Variants in JMJD4 observed in about 807,000 individuals in gnomAD.
JMJD4 encodes the protein 2-oxoglutarate and iron-dependent oxygenase JMJD4.
JMJD4 carries 34 observed loss-of-function variants against 36.3 expected under a neutral mutation model. The ratio of observed to expected loss-of-function variants is 0.94; its 90% CI spans 0.71 to 1.25. The LOEUF (loss-of-function observed/expected upper bound fraction) is 1.25, where lower values mean the gene tolerates loss of function less well. Ranked by LOEUF, JMJD4 falls within the 50% of genes most tolerant of loss-of-function variation. The pLI is 0.00. For synonymous variants in JMJD4, 269 were observed against 235.3 expected, an observed-to-expected ratio of 1.14 and a Z score of -1.31; for missense variants, 584 against 559.1, an observed-to-expected ratio of 1.04 and a Z score of -0.45.
rs3087908 is a variant in JMJD4, at chr1:227,732,402, G to A, written c.1244C>T (p.Ala415Val). 0.18 allele frequency: 284,969 copies of A among 1,612,136 alleles called. 25,854 individuals are homozygous for A. The highest frequency in any genetic ancestry group is 0.24 in the East Asian group (10,939 of 44,844). ...QQLREAVDAAAAP is the reference protein window; with the variant it reads ...QQLREAVDAAVAP Reference sequence around the variant, plus strand: ...TCCTCACGACAGGTGCTATGGGGCCGCAGCAGCATCAACAGCCTCTCTCAG... The same window carrying A: ...TCCTCACGACAGGTGCTATGGGGCCACAGCAGCATCAACAGCCTCTCTCAG... The change falls in exon 6 of 6, where the codon GCG (alanine) becomes GTG (valine). Residue 415 changes from alanine to valine, a missense_variant. Transcript: ENST00000620518.
chr1:227,733,110 C>T (rs933355731), intron 4 of JMJD4, 83 bp from the exon 5 acceptor site: 3 of 1,471,918 alleles, frequency 2.0e-6, no homozygotes, highest in Non-Finnish European at 2.8e-6. Flanking sequence ...CAGGAACCCA[C>T]TGTGGGGTCC....
chr1:227,734,587 A>C, intron 2 of JMJD4, 64 bp downstream of exon 2: 4 of 1,531,582 alleles, frequency 2.6e-6, no homozygotes, highest in Non-Finnish European at 3.6e-6. Flanking sequence ...CTTCATCAGA[A>C]AGGCCTCTGG....
Position 227,733,627 on chromosome 1 carries a change from A to G in JMJD4, c.609T>C (p.Cys203=). Residue 203 remains cysteine, a synonymous_variant, in exon 4 of 6, where the codon TGT becomes TGC. Coordinates refer to ENST00000620518, the MANE Select transcript of JMJD4 (RefSeq NM_023007.3). ...FRSFSWSVNV[C]GRKKWLLFPP... ...GGAAGAGGAGCCACTTCTTCCTCCC[A>G]CAGACATTGACAGACCAGCTGAAGG... 6.9e-6 allele frequency: 11 copies of G among 1,603,066 alleles called. No homozygotes were observed. The highest frequency in any genetic ancestry group is 9.3e-6 in the Non-Finnish European group (11 of 1,178,894).
intron 1 of JMJD4, 38 bp from the exon 2 acceptor site, chr1:227,734,854 C>T: frequency 6.2e-7 from 1 of 1,610,978 alleles, no homozygotes; most frequent in Non-Finnish European, 8.5e-7. Context: ...TCTCCCTGGG[C>T]CCCGTCCTCA....
At chr1:227,734,948 G>T (rs1168697665) in intron 1 of JMJD4, 64 bp downstream of exon 1, 12 of 1,493,028 alleles carry the variant, frequency 8.0e-6, no homozygotes, top group Admixed American at 2.3e-5. Flanking sequence ...CTAGGCGGGG[G>T]CCTCCCGGGC....
chr1:227,732,967 GCC>G lies in JMJD4; in HGVS notation c.881_882del (p.Trp294SerfsTer41), dbSNP rs766416961. The G allele has an allele frequency of 1.9e-6, 3 of 1,613,236 alleles. No individual in the cohort carries two copies. The highest frequency in any genetic ancestry group is 2.5e-6 in the Non-Finnish European group (3 of 1,180,028). ...WVNGFNLANM[W>X]RFLQQELCAV... Reference sequence around the variant, plus strand: ...GCGCATAGCTCCTGCTGCAAGAAGCGCCACATGTTGGCCAGGTTGAAGCCATT... The same window carrying G: ...GCGCATAGCTCCTGCTGCAAGAAGCGACATGTTGGCCAGGTTGAAGCCATT... On this transcript the variant is annotated frameshift_variant, in exon 5 of 6. Transcript: ENST00000620518. LOFTEE classifies it high-confidence loss of function.
chr1:227,732,058 GC>G lies in JMJD4; in HGVS notation c.*333del. ...GGACAGGGCTGGCCTATTAAGAGGA[GC>G]CACCAGAGAAGGCACACCAGACACA... is the stretch of plus-strand genomic sequence containing the variant. On this transcript the variant is annotated 3_prime_UTR_variant, in exon 6 of 6. Transcript: ENST00000620518. 1 of 412,000 alleles carries G rather than the reference GC, an allele frequency of 2.4e-6. No individual in the cohort carries two copies. Among genetic ancestry groups the G allele is most frequent in the South Asian group, 2.6e-5 (1 of 37,808 alleles). The allele number at this position is 412,000 out of a possible 1,614,324, so 25.5% of individuals were successfully genotyped here.
At position 227,732,973 on chromosome 1, in the gene JMJD4, T is replaced by C. The variant is rs1185896020; in HGVS notation, c.877A>G (p.Met293Val). Reference protein sequence around the residue: ...NWVNGFNLANMWRFLQQELCA... With the variant: ...NWVNGFNLANVWRFLQQELCA... ...AGCTCCTGCTGCAAGAAGCGCCACA[T>C]GTTGGCCAGGTTGAAGCCATTGACC... Residue 293 changes from methionine to valine, a missense_variant, in exon 5 of 6, where the codon ATG becomes GTG. Physicochemically the swap from Met to Val is conservative, Grantham distance 21 (BLOSUM62 1). Transcript: ENST00000620518. The C allele has an allele frequency of 6.2e-7, 1 of 1,612,794 alleles. No homozygotes were observed. Among genetic ancestry groups the C allele is most frequent in the Non-Finnish European group, 8.5e-7 (1 of 1,179,430 alleles).
chr1:227,734,461 A>C (rs546563473), intron 2 of JMJD4, 190 bp downstream of exon 2: 2 of 525,596 alleles, frequency 3.8e-6, no homozygotes, highest in Non-Finnish European at 6.6e-6. Flanking sequence ...AAAAAAAACC[A>C]TATTGACCTC....
Position 227,732,556 on chromosome 1 carries a change from C to A in JMJD4, c.1090G>T (p.Gly364Cys). 1.2e-6 allele frequency: 2 copies of A among 1,613,502 alleles called. No individual in the cohort carries two copies. Among genetic ancestry groups the A allele is most frequent in the Non-Finnish European group, 1.7e-6 (2 of 1,180,042 alleles). Residue 364 changes from glycine to cysteine, a missense_variant, in exon 6 of 6, where the codon GGT (glycine) becomes TGT (cysteine). Transcript: ENST00000620518. ...ACATCAAAGGCTGCCTGTTCGAAAC[C>A]CAACCCAGCACCGTCCTCAGCGGCT... ...EAAAEDGAGL[G>C]FEQAAFDVGR...
chr1:227,733,150 T>C, intron 4 of JMJD4, 123 bp from the exon 5 acceptor site: 5 of 1,123,426 alleles, frequency 4.5e-6, no homozygotes, highest in Non-Finnish European at 6.3e-6. Context: ...GGCCCTCCTG[T>C]CTCCCAGCAG....
Position 227,734,687 on chromosome 1 carries a change from C to G in JMJD4, c.392G>C (p.Arg131Thr), listed in dbSNP as rs1329114933. Residue 131 changes from arginine to threonine, a missense_variant, in exon 2 of 6, where the codon AGG (arginine) becomes ACG (threonine). Physicochemically the swap from Arg to Thr is moderately conservative, Grantham distance 71 (BLOSUM62 -1). Coordinates refer to ENST00000620518, the MANE Select transcript of JMJD4 (RefSeq NM_023007.3). ...CCAGTCTTTGAGGTAGAGACAGCCC[C>G]TGGGAGAGGAGTAGCCCGCCTGTAT... ...EYIQAGYSSPRGCLYLKDWHL... is the reference protein window; with the variant it reads ...EYIQAGYSSPTGCLYLKDWHL... 6.2e-7 allele frequency: 1 copy of G among 1,614,054 alleles called. No homozygotes were observed. The highest frequency in any genetic ancestry group is 1.3e-5 in the African/African-American group (1 of 74,938).
At chr1:227,733,864 C>A (rs752452250) in intron 3 of JMJD4, 43 bp downstream of exon 3, 1 of 1,610,368 alleles carries the variant, frequency 6.2e-7, no homozygotes, top group Non-Finnish European at 8.5e-7. Flanking sequence ...TCCGTTCTGT[C>A]ACCAGGCCCC....
chr1:227,734,605 C>G (rs911613564), intron 2 of JMJD4, 46 bp downstream of exon 2: 1 of 1,599,568 alleles, frequency 6.3e-7, no homozygotes, highest in African/African-American at 1.3e-5. Context: ...TGGGTTCACG[C>G]AGCGCTAGGG....
chr1:227,732,657 G>T lies in JMJD4; in HGVS notation c.989C>A (p.Ser330Ter). ...HHCQVIMRSCSGINFEEFYHF... is the reference protein window; with the variant it reads ...HHCQVIMRSC ...GTAAAACTCTTCAAAGTTGATGCCC[G>T]AGCAGGACCTCATGATGACCTGGGC... The change falls in exon 6 of 6, where the codon TCG (serine) becomes TAG (stop). Residue 330 changes from serine to a stop codon, truncating the protein, a stop_gained. Coordinates refer to ENST00000620518, the MANE Select transcript of JMJD4 (RefSeq NM_023007.3). LOFTEE classifies it low-confidence loss of function (END_TRUNC). 6.2e-7 allele frequency: 1 copy of T among 1,612,988 alleles called. No homozygotes were observed. Among genetic ancestry groups the T allele is most frequent in the Non-Finnish European group, 8.5e-7 (1 of 1,179,978 alleles).
rs1036571092 is a variant in JMJD4 at position 227,734,743 on chromosome 1, G to A, written c.336C>T (p.Leu112=). 6.2e-6 allele frequency: 10 copies of A among 1,614,004 alleles called. No individual in the cohort carries two copies. In the African/African-American group the frequency reaches 6.7e-5, roughly 11 times the overall value. The change falls in exon 2 of 6, where the codon CTC becomes CTT. Residue 112 remains leucine, a synonymous_variant. Coordinates refer to ENST00000620518, the MANE Select transcript of JMJD4 (RefSeq NM_023007.3). Reference sequence around the variant, plus strand: ...CTTTCCAGTAGGTGATGTAGTCTCTGAGAGTCATGTGCTCTTTGGGGTTCG... The same window carrying A: ...CTTTCCAGTAGGTGATGTAGTCTCTAAGAGTCATGTGCTCTTTGGGGTTCG... ...YNSNPKEHMT[L]RDYITYWKEY...
rs758181783 is a variant in JMJD4, at chr1:227,734,782, G to A, written c.297C>T (p.Val99=). ...DVVVPVANCG[V]QEYNSNPKEH... Reference sequence around the variant, plus strand: ...CTTTGGGGTTCGAGTTGTATTCCTGGACCCCACAGTTTGCAACTGGTACAA... The same window carrying A: ...CTTTGGGGTTCGAGTTGTATTCCTGAACCCCACAGTTTGCAACTGGTACAA... The change falls in exon 2 of 6, where the codon GTC becomes GTT. Residue 99 remains valine, a synonymous_variant. Coordinates refer to ENST00000620518, the MANE Select transcript of JMJD4 (RefSeq NM_023007.3). 8 of 1,613,904 alleles carry A rather than the reference G, an allele frequency of 5.0e-6. No individual in the cohort carries two copies. The highest frequency in any genetic ancestry group is 1.7e-4 in the Middle Eastern group (1 of 5,996).
In JMJD4 at chr1:227,734,684, C is replaced by A. The variant is rs1428306855; in HGVS notation, c.395G>T (p.Gly132Val). The change falls in exon 2 of 6, where the codon GGC (glycine) becomes GTC (valine). Residue 132 changes from glycine (G) to valine (V), a missense_variant. Transcript: ENST00000620518. ...GTGCCAGTCTTTGAGGTAGAGACAGCCCCTGGGAGAGGAGTAGCCCGCCTG... is the reference window on the plus strand; with the variant it reads ...GTGCCAGTCTTTGAGGTAGAGACAGACCCTGGGAGAGGAGTAGCCCGCCTG... ...YIQAGYSSPR[G>V]CLYLKDWHLC... is the part of the protein sequence containing the mutation. The A allele has an allele frequency of 2.5e-6, 4 of 1,614,130 alleles. No homozygotes were observed. Among genetic ancestry groups the A allele is most frequent in the Non-Finnish European group, 3.4e-6 (4 of 1,180,006 alleles).
Position 227,733,601 on chromosome 1 carries a change from G to T in JMJD4, c.635C>A (p.Pro212His), listed in dbSNP as rs747713480. The stretch of plus-strand genomic sequence containing the variant: ...CCGCAGGGCCTCTTCCTGCCCTGGG[G>T]GGAAGAGGAGCCACTTCTTCCTCCC... ...VCGRKKWLLF[P>H]PGQEEALRDR... Residue 212 changes from proline to histidine, a missense_variant, in exon 4 of 6, where the codon CCC (proline) becomes CAC (histidine). Transcript: ENST00000620518. The T allele has an allele frequency of 6.2e-7, 1 of 1,606,462 alleles. No individual in the cohort carries two copies. The highest frequency in any genetic ancestry group is 8.5e-7 in the Non-Finnish European group (1 of 1,178,726).
Sources: allele counts gnomAD v4.1 joint callset, GRCh38; gene constraint gnomAD v4.1.1; transcripts MANE v1.5; gene names NCBI Gene and HGNC (gene_info 2026-07-23, HGNC 2026-07-21).